Variants in SPECC1L observed in about 807,000 individuals in gnomAD.
SPECC1L encodes the protein cytospin-A.
Under a neutral mutation model 116.8 loss-of-function variants are expected in SPECC1L, and 40 were observed. The ratio of observed to expected loss-of-function variants is 0.34; its 90% CI spans 0.27 to 0.45. The LOEUF (loss-of-function observed/expected upper bound fraction) is 0.45, where lower values mean the gene tolerates loss of function less well. Ranked by LOEUF, SPECC1L falls within the 20% of genes least tolerant of loss-of-function variation. The pLI, the probability that SPECC1L is intolerant of heterozygous loss-of-function variation, is 1.00. For synonymous variants in SPECC1L, 504 were observed against 500.6 expected (o/e 1.01, Z -0.09); for missense variants, 1,110 against 1,373.6 (o/e 0.81, Z 3.03).
intron 3 of SPECC1L, among the ~76,000 whole-genome samples, chr22:24,306,695 G>T (rs760564043): frequency 9.9e-5 from 15 of 152,184 alleles, no homozygotes; most frequent in Non-Finnish European, 2.1e-4. Context: ...TAAGTGTGCA[G>T]TTCAGTTCTG....
intron 14 of SPECC1L, among the ~76,000 whole-genome samples, chr22:24,393,280 T>A (rs1317093097): frequency 6.6e-6 from 1 of 152,206 alleles, no homozygotes; most frequent in African/African-American, 2.4e-5. Context: ...AACCTTATGA[T>A]GCTTTTTTAA....
chr22:24,349,992 A>G (rs2041389637), intron 11 of SPECC1L, among the ~76,000 whole-genome samples: 1 of 152,162 alleles, frequency 6.6e-6, no homozygotes, highest in East Asian at 1.9e-4. Flanking sequence ...AGACCCTCGC[A>G]GCCTGGCCTC....
At chr22:24,315,876 C>T (rs1338436062) in intron 4 of SPECC1L, among the ~76,000 whole-genome samples, 1 of 152,196 alleles carries the variant, frequency 6.6e-6, no homozygotes, top group East Asian at 1.9e-4. Context: ...TGGCTGCCTT[C>T]TCTGTGTCTT....
At chr22:24,354,439 G>A (rs1227303918) in intron 11 of SPECC1L, among the ~76,000 whole-genome samples, 1 of 152,090 alleles carries the variant, frequency 6.6e-6, no homozygotes, top group Non-Finnish European at 1.5e-5. Context: ...ATAGACTCAT[G>A]GATATTTGTT....
At chr22:24,333,015 G>A (rs1327975090) in intron 8 of SPECC1L, among the ~76,000 whole-genome samples, 1 of 152,164 alleles carries the variant, frequency 6.6e-6, no homozygotes, top group East Asian at 1.9e-4. Context: ...GATCACCTGC[G>A]GTCAGGAGTT....
At chr22:24,377,904 GGGACT>G (rs1426505584) in intron 14 of SPECC1L, among the ~76,000 whole-genome samples, 1 of 152,200 alleles carries the variant, frequency 6.6e-6, no homozygotes, top group African/African-American at 2.4e-5. Flanking sequence ...CTAGGATTGT[GGGACT>G]GGTAAATGAG....
chr22:24,399,350 C>G (rs1482069431), intron 14 of SPECC1L, among the ~76,000 whole-genome samples: 1 of 152,184 alleles, frequency 6.6e-6, no homozygotes, highest in Non-Finnish European at 1.5e-5. Context: ...GCGGGTGGAT[C>G]ACGAGGTCAG....
At chr22:24,393,261 A>G (rs2146744311) in intron 14 of SPECC1L, among the ~76,000 whole-genome samples, 1 of 152,328 alleles carries the variant, frequency 6.6e-6, no homozygotes, top group South Asian at 2.1e-4. Flanking sequence ...TGTGACAGTG[A>G]CCTGACAGAA....
intron 14 of SPECC1L, among the ~76,000 whole-genome samples, chr22:24,385,062 C>CAA (rs36080329): frequency 4.0e-4 from 31 of 78,070 alleles, no homozygotes; most frequent in African/African-American, 1.1e-3. Context: ...AACTCCGTCT[C>CAA]AAAAAAAAAA....
At chr22:24,319,567 C>G (rs2040677726) in intron 4 of SPECC1L, among the ~76,000 whole-genome samples, 1 of 152,216 alleles carries the variant, frequency 6.6e-6, no homozygotes, top group Non-Finnish European at 1.5e-5. Flanking sequence ...TTCTTTCCTA[C>G]TCAGGATCAT....
At chr22:24,334,997 C>G (rs990161817) in intron 9 of SPECC1L, among the ~76,000 whole-genome samples, 1 of 152,206 alleles carries the variant, frequency 6.6e-6, no homozygotes, top group Non-Finnish European at 1.5e-5. Context: ...AAACTCTTGT[C>G]TGCCATCTTC....
chr22:24,283,218 A>G (rs1434576729), intron 2 of SPECC1L, among the ~76,000 whole-genome samples: 3 of 151,996 alleles, frequency 2.0e-5, no homozygotes, highest in Non-Finnish European at 2.9e-5. Context: ...AGCTGGGACT[A>G]CTGGCGCTGG....
intron 14 of SPECC1L, among the ~76,000 whole-genome samples, chr22:24,390,802 C>T (rs1294607967): frequency 1.4e-5 from 2 of 145,098 alleles, no homozygotes; most frequent in Non-Finnish European, 3.0e-5. Context: ...TTGGAGCCAC[C>T]GGGGAATAGA....
chr22:24,332,087 A>G (rs776491647), intron 8 of SPECC1L, among the ~76,000 whole-genome samples: 5 of 152,204 alleles, frequency 3.3e-5, no homozygotes, highest in Non-Finnish European at 5.9e-5. Context: ...AGAATGACAG[A>G]CAAACTGTGC....
intron 7 of SPECC1L, among the ~76,000 whole-genome samples, 194 bp downstream of exon 7, chr22:24,329,113 C>CTA (rs1421804788): frequency 6.6e-6 from 1 of 152,182 alleles, no homozygotes; most frequent in Non-Finnish European, 1.5e-5. Flanking sequence ...GAAGAATGTA[C>CTA]TATAGGTTGA....
At chr22:24,344,622 A>G (rs866015505) in intron 10 of SPECC1L, among the ~76,000 whole-genome samples, 6 of 151,860 alleles carry the variant, frequency 4.0e-5, no homozygotes, top group Admixed American at 2.6e-4. Context: ...AAAGAAAAGC[A>G]TACAAGTTTG....
intron 14 of SPECC1L, among the ~76,000 whole-genome samples, chr22:24,370,900 T>G (rs2041858676): frequency 6.7e-6 from 1 of 148,452 alleles, no homozygotes; most frequent in South Asian, 2.1e-4. Flanking sequence ...AAAAGTAGAA[T>G]GATGGTTGCC....
chr22:24,313,945 G>T (rs2040510293), intron 4 of SPECC1L, among the ~76,000 whole-genome samples: 1 of 151,982 alleles, frequency 6.6e-6, no homozygotes, highest in African/African-American at 2.4e-5. Flanking sequence ...CACCATGTTG[G>T]TCAGGCTGGT....
chr22:24,279,642 G>GT, intron 2 of SPECC1L, among the ~76,000 whole-genome samples: 1 of 151,870 alleles, frequency 6.6e-6, no homozygotes, highest in Non-Finnish European at 1.5e-5. Flanking sequence ...GGCAACAATG[G>GT]TGCAATCACA....
Sources: allele counts gnomAD v4.1 joint callset (sites outside exome capture counted in the v4.1 genomes callset), GRCh38; gene constraint gnomAD v4.1.1; transcripts MANE v1.5; gene names NCBI Gene and HGNC (gene_info 2026-07-23, HGNC 2026-07-21).